The following FRMPD3 variants were observed in gnomAD, a reference collection of about 807,000 sequenced individuals.
The protein encoded by FRMPD3 is FERM and PDZ domain-containing protein 3.
Under a neutral mutation model 97.9 loss-of-function variants are expected in FRMPD3, and 42 were observed. The ratio of observed to expected loss-of-function variants is 0.43; its 90% CI spans 0.34 to 0.55. The LOEUF (loss-of-function observed/expected upper bound fraction) is 0.55, where lower values mean the gene tolerates loss of function less well. Ranked by LOEUF, FRMPD3 falls within the 20% of genes least tolerant of loss-of-function variation. The pLI, the probability that FRMPD3 is intolerant of heterozygous loss-of-function variation, is 0.03. For missense variants in FRMPD3, 1,303 were observed against 1,457.7 expected (o/e 0.89, Z 1.73); for synonymous variants, 577 against 581.1 (o/e 0.99, Z 0.10).
At position 107,478,176 on chromosome X, in the gene FRMPD3, T is replaced by C. The variant is rs1833534935; in HGVS notation, c.-8+28171T>C. Among the ~76,000 whole-genome samples the C allele has an allele frequency of 4.5e-5, 5 of 112,224 alleles. No homozygotes were observed. The Admixed American group carries it at 4.7e-4, about 11-fold the overall frequency. On this transcript the variant is annotated intron_variant, in intron 1 of 14. Transcript: ENST00000683843. ...TAGATTTATTTAACCACAAAAGTAA[T>C]ATATGCTTATTATAACAAGTCAAAA... is the stretch of plus-strand genomic sequence containing the variant.
chrX:107,461,144 A>G (rs927409025), intron 1 of FRMPD3, among the ~76,000 whole-genome samples: 7 of 112,116 alleles, frequency 6.2e-5, no homozygotes, highest in African/African-American at 2.3e-4. Flanking sequence ...TTGGAAATCT[A>G]GGTGATTGCT....
At chrX:107,473,527 A>G (rs1298751508) in intron 1 of FRMPD3, among the ~76,000 whole-genome samples, 1 of 112,260 alleles carries the variant, frequency 8.9e-6, no homozygotes, top group Non-Finnish European at 1.9e-5. Context: ...GAGTTTAGCT[A>G]CAAAGGTAGA....
Position 107,597,482 on chromosome X carries a change from G to A in FRMPD3, c.1603G>A (p.Glu535Lys). Reference sequence around the variant, plus strand: ...CAGCTTCTGCTACCTCCATATGCGGGAACAAAGGAAGGAGCAGGAAAGCCG... The same window carrying A: ...CAGCTTCTGCTACCTCCATATGCGGAAACAAAGGAAGGAGCAGGAAAGCCG... ...LVSFCYLHMR[E>K]QRKEQESRTD... The change falls in exon 14 of 15, where the codon GAA becomes AAA. Residue 535 changes from glutamate to lysine, a missense_variant. Transcript: ENST00000683843. 2.5e-6 allele frequency: 3 copies of A among 1,210,736 alleles called. No individual in the cohort carries two copies. The highest frequency in any genetic ancestry group is 3.0e-5 in the East Asian group (1 of 33,846).
At position 107,602,655 on chromosome X, in the gene FRMPD3, G is replaced by A; in HGVS notation, c.4616G>A (p.Ser1539Asn). The A allele has an allele frequency of 8.3e-7, 1 of 1,210,055 alleles. No individual in the cohort carries two copies. The highest frequency in any genetic ancestry group is 3.0e-5 in the East Asian group (1 of 33,850). Reference protein sequence around the residue: ...KLDEQVVPVVSRTLQVLDAAT... With the variant: ...KLDEQVVPVVNRTLQVLDAAT... ...GACGAGCAGGTGGTGCCTGTGGTGA[G>A]CAGGACCCTGCAGGTGCTGGATGCT... Residue 1539 changes from serine (S) to asparagine (N), a missense_variant, in exon 15 of 15, where the codon AGC (serine) becomes AAC (asparagine). Around this residue, in one of 3 missense-constraint regions of FRMPD3, gnomAD observed 764 missense variants for 820.2 expected, o/e 0.93. Transcript: ENST00000683843.
intron 1 of FRMPD3, among the ~76,000 whole-genome samples, chrX:107,473,219 A>G (rs1921110516): frequency 8.9e-6 from 1 of 112,252 alleles, no homozygotes; most frequent in African/African-American, 3.2e-5. Flanking sequence ...TATGGTCCCA[A>G]ATCTGGCCTT....
At chrX:107,539,447 A>G (rs1429308074) in intron 4 of FRMPD3, among the ~76,000 whole-genome samples, 4 of 112,062 alleles carry the variant, frequency 3.6e-5, no homozygotes, top group Admixed American at 9.5e-5. Context: ...TTAAACGGAT[A>G]AAGTACCGGA....
At chrX:107,596,927 G>C (rs1924201688) in intron 13 of FRMPD3, among the ~76,000 whole-genome samples, 1 of 111,672 alleles carries the variant, frequency 9.0e-6, no homozygotes, top group Non-Finnish European at 1.9e-5. Flanking sequence ...AAAAGGGGTG[G>C]GGACAGGGGT....
At chrX:107,521,393 C>T (rs145143314) in intron 1 of FRMPD3, among the ~76,000 whole-genome samples, 1,775 of 112,189 alleles carry the variant, frequency 0.016, 46 homozygotes, top group African/African-American at 0.055. Flanking sequence ...CTGGAATTGT[C>T]AGAGTCTCAG....
At chrX:107,585,457 T>G (rs1181135479) in intron 13 of FRMPD3, among the ~76,000 whole-genome samples, 1 of 111,811 alleles carries the variant, frequency 8.9e-6, no homozygotes, top group Non-Finnish European at 1.9e-5. Context: ...CTGATTGCCC[T>G]GGCCAGAACT....
At chrX:107,482,736 G>A (rs773724887) in intron 1 of FRMPD3, among the ~76,000 whole-genome samples, 1 of 112,202 alleles carries the variant, frequency 8.9e-6, no homozygotes, top group Non-Finnish European at 1.9e-5. Context: ...AGTCACCAAA[G>A]AGTTTGCTTG....
At chrX:107,502,420 G>A (rs1421859669) in intron 1 of FRMPD3, among the ~76,000 whole-genome samples, 1 of 111,306 alleles carries the variant, frequency 9.0e-6, no homozygotes, top group Non-Finnish European at 1.9e-5. Flanking sequence ...AGGGGTAATA[G>A]CAAGAAGGAA....
intron 3 of FRMPD3, among the ~76,000 whole-genome samples, 195 bp downstream of exon 3, chrX:107,530,706 G>A (rs1007777524): frequency 3.8e-4 from 42 of 110,790 alleles, no homozygotes; most frequent in African/African-American, 1.3e-3. Context: ...CATACACACT[G>A]GCTTAGCATC....
intron 13 of FRMPD3, among the ~76,000 whole-genome samples, chrX:107,579,575 G>C (rs751165173): frequency 8.9e-6 from 1 of 112,006 alleles, no homozygotes; most frequent in Non-Finnish European, 1.9e-5. Context: ...GGCTAATAAC[G>C]TAAGTACTTT....
chrX:107,457,682 A>G (rs1243072508), intron 1 of FRMPD3, among the ~76,000 whole-genome samples: 1 of 112,051 alleles, frequency 8.9e-6, no homozygotes, highest in Non-Finnish European at 1.9e-5. Flanking sequence ...ATTGCCTAAA[A>G]GCCCTGGGAT....
At chrX:107,533,387 C>T (rs1602782070) in intron 3 of FRMPD3, 118 bp from the exon 4 acceptor site, 1 of 585,177 alleles carries the variant, frequency 1.7e-6, no homozygotes, top group East Asian at 3.4e-5. Context: ...TCAGATTGCC[C>T]TCTATCCTAA....
At chrX:107,486,832 G>A (rs1203978724) in intron 1 of FRMPD3, among the ~76,000 whole-genome samples, 1 of 111,181 alleles carries the variant, frequency 9.0e-6, no homozygotes, top group Admixed American at 9.6e-5. Context: ...GCTCAAAAAA[G>A]AAATAAGTAA....
chrX:107,458,637 G>T (rs1931416355), intron 1 of FRMPD3, among the ~76,000 whole-genome samples: 1 of 111,741 alleles, frequency 8.9e-6, no homozygotes, highest in South Asian at 3.8e-4. Context: ...GCACAGTGGG[G>T]AAAAAATGAT....
Position 107,600,426 on chromosome X carries a change from C to T in FRMPD3, c.2387C>T (p.Thr796Ile), listed in dbSNP as rs1345532239. Residue 796 changes from threonine to isoleucine, a missense_variant, in exon 15 of 15, where the codon ACC (threonine) becomes ATC (isoleucine). By Grantham distance (89) the Thr-to-Ile change is moderately conservative (BLOSUM62 -1). Coordinates refer to ENST00000683843, the MANE Select transcript of FRMPD3 (RefSeq NM_001388459.1). ...GCCATGAAGCAGCACCAGAACACCA[C>T]CTACTTCCTGGCCCAGCACCTCAAC... ...MSAMKQHQNT[T>I]YFLAQHLNKD... 6.6e-6 allele frequency: 8 copies of T among 1,208,766 alleles called. No individual in the cohort carries two copies. The highest frequency in any genetic ancestry group is 6.7e-6 in the Non-Finnish European group (6 of 894,923).
chrX:107,505,390 C>T (rs943903768), intron 1 of FRMPD3, among the ~76,000 whole-genome samples: 3 of 111,709 alleles, frequency 2.7e-5, no homozygotes, highest in African/African-American at 9.8e-5. Context: ...TTTCCACCTC[C>T]ATGCAGACTC....
Sources: gnomAD v4.1 joint callset for allele counts (sites outside exome capture counted in the v4.1 genomes callset) on GRCh38, gnomAD v4.1.1 for gene constraint, gnomAD v4.1.1 regional missense constraint, MANE v1.5 for transcripts, NCBI Gene and HGNC (gene_info 2026-07-23, HGNC 2026-07-21) for gene names.